VTI1A: variants seen among roughly 807,000 people sequenced by gnomAD.
VTI1A encodes the protein vesicle transport through interaction with t-SNAREs homolog 1A.
A neutral mutation model predicts 34.9 loss-of-function variants in VTI1A; 22 were observed. The ratio of observed to expected loss-of-function variants is 0.63; its 90% CI spans 0.45 to 0.90. The LOEUF (loss-of-function observed/expected upper bound fraction) is 0.90. Ranked by LOEUF, VTI1A falls within the 40% of genes least tolerant of loss-of-function variation. The pLI is 0.00. For missense variants in VTI1A, 268 were observed against 275.6 expected, an observed-to-expected ratio of 0.97 and a Z score of 0.20; for synonymous variants, 87 against 97.3, an observed-to-expected ratio of 0.89 and a Z score of 0.62.
At chr10:112,462,191 T>C (rs889218839) in intron 2 of VTI1A, among the ~76,000 whole-genome samples, 5 of 151,976 alleles carry the variant, frequency 3.3e-5, no homozygotes, top group Non-Finnish European at 7.3e-5. Flanking sequence ...AAAAACTCTT[T>C]TGATTTGACT....
At chr10:112,735,005 A>T (rs1191205020) in intron 7 of VTI1A, among the ~76,000 whole-genome samples, 2 of 152,196 alleles carry the variant, frequency 1.3e-5, no homozygotes, top group East Asian at 1.9e-4. Context: ...AAGGACCCCA[A>T]GTCAAGGAGA....
chr10:112,636,904 G>C (rs1846377389), intron 5 of VTI1A, among the ~76,000 whole-genome samples: 1 of 151,998 alleles, frequency 6.6e-6, no homozygotes, highest in Non-Finnish European at 1.5e-5. Context: ...ACAAAAAACA[G>C]TCATTAAGAT....
At chr10:112,687,660 A>T (rs967890613) in intron 7 of VTI1A, among the ~76,000 whole-genome samples, 4 of 151,902 alleles carry the variant, frequency 2.6e-5, no homozygotes, top group African/African-American at 4.8e-5. Flanking sequence ...TCAGAATGAA[A>T]CCCATCTCTG....
chr10:112,644,819 A>G (rs1270512941), intron 5 of VTI1A, among the ~76,000 whole-genome samples: 1 of 152,218 alleles, frequency 6.6e-6, no homozygotes, highest in Non-Finnish European at 1.5e-5. Context: ...TTGTATGAGA[A>G]TATCAGATTA....
At chr10:112,727,247 T>TTTA (rs1389002187) in intron 7 of VTI1A, among the ~76,000 whole-genome samples, 1 of 152,180 alleles carries the variant, frequency 6.6e-6, no homozygotes, top group Admixed American at 6.5e-5. Context: ...CCAGAGTACC[T>TTTA]TTACTCACCC....
chr10:112,540,589 A>G (rs1236676293), intron 5 of VTI1A, among the ~76,000 whole-genome samples: 1 of 152,174 alleles, frequency 6.6e-6, no homozygotes, highest in Non-Finnish European at 1.5e-5. Flanking sequence ...GGAAATGAGA[A>G]GGCAGGGACA....
chr10:112,521,709 A>G (rs991526885), intron 3 of VTI1A, among the ~76,000 whole-genome samples: 1 of 152,074 alleles, frequency 6.6e-6, no homozygotes, highest in Non-Finnish European at 1.5e-5. Flanking sequence ...GGGATCAAAC[A>G]TATATCTAAC....
At chr10:112,630,745 A>G (rs1033604231) in intron 5 of VTI1A, among the ~76,000 whole-genome samples, 2 of 152,182 alleles carry the variant, frequency 1.3e-5, no homozygotes, top group African/African-American at 2.4e-5. Flanking sequence ...CCTGCAATCA[A>G]GCCTCACAAA....
At chr10:112,731,299 C>A (rs1170502984) in intron 7 of VTI1A, among the ~76,000 whole-genome samples, 1 of 152,114 alleles carries the variant, frequency 6.6e-6, no homozygotes, top group African/African-American at 2.4e-5. Flanking sequence ...TAAGGCCAGG[C>A]CCGGTGGCTC....
At chr10:112,625,824 G>A (rs952610631) in intron 5 of VTI1A, among the ~76,000 whole-genome samples, 1 of 151,922 alleles carries the variant, frequency 6.6e-6, no homozygotes, top group African/African-American at 2.4e-5. Flanking sequence ...GGTGATGGGT[G>A]CACCAAAATC....
intron 3 of VTI1A, among the ~76,000 whole-genome samples, chr10:112,499,204 A>G (rs564433688): frequency 6.6e-6 from 1 of 152,088 alleles, no homozygotes; most frequent in East Asian, 1.9e-4. Context: ...TACCTCTGAA[A>G]CTTTTTTGCT....
At chr10:112,486,398 A>G (rs1457182471) in intron 3 of VTI1A, among the ~76,000 whole-genome samples, 5 of 152,206 alleles carry the variant, frequency 3.3e-5, no homozygotes, top group African/African-American at 4.8e-5. Context: ...GAAATAATAC[A>G]TCATGAAAAT....
At chr10:112,514,685 T>C (rs573351294) in intron 3 of VTI1A, among the ~76,000 whole-genome samples, 1 of 152,090 alleles carries the variant, frequency 6.6e-6, no homozygotes, top group East Asian at 1.9e-4. Flanking sequence ...TAAGTATTGG[T>C]ATGTTGTTTC....
intron 5 of VTI1A, among the ~76,000 whole-genome samples, chr10:112,563,291 C>T (rs573843587): frequency 4.3e-4 from 66 of 152,286 alleles, no homozygotes; most frequent in African/African-American, 1.3e-3. Flanking sequence ...GTACAATCCC[C>T]AGTTAAGACT....
intron 5 of VTI1A, among the ~76,000 whole-genome samples, chr10:112,563,382 C>T (rs1851796846): frequency 6.6e-6 from 1 of 152,102 alleles, no homozygotes; most frequent in Non-Finnish European, 1.5e-5. Context: ...GTATGCAAAA[C>T]AAAGAATTTT....
intron 7 of VTI1A, among the ~76,000 whole-genome samples, chr10:112,784,330 T>A (rs1852221292): frequency 1.3e-5 from 2 of 152,210 alleles, no homozygotes; most frequent in African/African-American, 4.8e-5. Context: ...TGCACTAATA[T>A]AGCTACACCC....
chr10:112,782,093 T>A (rs927359273), intron 7 of VTI1A, among the ~76,000 whole-genome samples: 2 of 152,212 alleles, frequency 1.3e-5, no homozygotes, highest in Non-Finnish European at 2.9e-5. Flanking sequence ...AGTTTAAAAC[T>A]CTATATTATG....
At chr10:112,618,489 T>TCA (rs1554922465) in intron 5 of VTI1A, among the ~76,000 whole-genome samples, 1 of 74,374 alleles carries the variant, frequency 1.3e-5, no homozygotes, top group African/African-American at 6.7e-5. Context: ...AATGATTATA[T>TCA]TATATATATA....
chr10:112,677,568 A>T (rs1848075083), intron 7 of VTI1A: 1 of 152,306 alleles, frequency 6.6e-6, no homozygotes, highest in Admixed American at 6.5e-5. Flanking sequence ...AAGAGAAATA[A>T]AACAAAGCCA....
Sources: allele counts gnomAD v4.1 joint callset (sites outside exome capture counted in the v4.1 genomes callset), GRCh38; gene constraint gnomAD v4.1.1; transcripts MANE v1.5; gene names NCBI Gene and HGNC (gene_info 2026-07-23, HGNC 2026-07-21).